Variants in SLC8A1 observed in about 807,000 individuals in gnomAD.
SLC8A1 encodes sodium/calcium exchanger 1.
A neutral mutation model predicts 68.3 loss-of-function variants in SLC8A1; 18 were observed. That is an observed-to-expected ratio of 0.26 (90% confidence interval 0.18 to 0.39). The LOEUF (loss-of-function observed/expected upper bound fraction) is 0.39, where lower values mean the gene tolerates loss of function less well. Among genes scored for constraint, SLC8A1 ranks in the 10% least tolerant of loss-of-function variants. The probability of loss-of-function intolerance (pLI) is 1.00; values close to 1 mark genes in which losing one functional copy is unlikely to be tolerated. For missense variants in SLC8A1, 985 were observed against 1,156.7 expected, an observed-to-expected ratio of 0.85 and a Z score of 2.15; for synonymous variants, 475 against 415.5, an observed-to-expected ratio of 1.14 and a Z score of -1.74.
At chr2:40,380,609 A>G (rs1162791856) in intron 2 of SLC8A1, among the ~76,000 whole-genome samples, 1 of 152,132 alleles carries the variant, frequency 6.6e-6, no homozygotes, top group African/African-American at 2.4e-5. Context: ...CACTTGAAGA[A>G]CACTTCAACA....
chr2:40,205,495 C>G (rs1422204172), intron 2 of SLC8A1, among the ~76,000 whole-genome samples: 1 of 151,950 alleles, frequency 6.6e-6, no homozygotes, highest in Non-Finnish European at 1.5e-5. Flanking sequence ...ACTGACTTTG[C>G]AGGGACATGG....
chr2:40,368,186 T>C (rs1484192915), intron 2 of SLC8A1, among the ~76,000 whole-genome samples: 3 of 152,084 alleles, frequency 2.0e-5, no homozygotes, highest in African/African-American at 7.2e-5. Context: ...GGACCACTCA[T>C]GGTTTGATGG....
intron 2 of SLC8A1, among the ~76,000 whole-genome samples, chr2:40,311,144 T>C (rs72939245): frequency 0.018 from 2,690 of 152,164 alleles, 87 homozygotes; most frequent in African/African-American, 0.061. Flanking sequence ...AAGAAATGAA[T>C]GAGGTCCCCA....
chr2:40,374,227 T>C (rs1410411544), intron 2 of SLC8A1, among the ~76,000 whole-genome samples: 1 of 151,998 alleles, frequency 6.6e-6, no homozygotes, highest in Non-Finnish European at 1.5e-5. Flanking sequence ...AAAGATGGAA[T>C]AAGGCCAGGC....
intron 2 of SLC8A1, among the ~76,000 whole-genome samples, chr2:40,420,555 C>A (rs1695209170): frequency 1.3e-5 from 2 of 151,992 alleles, no homozygotes; most frequent in South Asian, 4.1e-4. Context: ...AAGCCAAAAC[C>A]AACAATAACT....
chr2:40,400,248 C>T (rs112476362), intron 2 of SLC8A1, among the ~76,000 whole-genome samples: 15 of 152,214 alleles, frequency 9.9e-5, no homozygotes, highest in South Asian at 2.1e-4. Context: ...GTTTTGTCTG[C>T]GGCTTGTCCT....
chr2:40,446,570 C>T (rs1236443891), intron 1 of SLC8A1: 1 of 152,260 alleles, frequency 6.6e-6, no homozygotes, highest in Non-Finnish European at 1.5e-5. Context: ...ACTCCTTCAG[C>T]ACTTTGCTCA....
intron 2 of SLC8A1, among the ~76,000 whole-genome samples, chr2:40,366,752 T>C (rs1160139011): frequency 1.4e-5 from 2 of 147,750 alleles, no homozygotes; most frequent in Non-Finnish European, 3.0e-5. Context: ...TACAATGTTA[T>C]TTCTGAGTAT....
At chr2:40,455,838 G>A (rs1702969920), upstream of SLC8A1, among the ~76,000 whole-genome samples, 1 of 152,094 alleles carries the variant, frequency 6.6e-6, no homozygotes, top group South Asian at 2.1e-4. Flanking sequence ...TCACCCAGTT[G>A]TAAACCCTGC....
Position 40,261,791 on chromosome 2 carries a change from C to T in SLC8A1, c.1809-83936G>A, listed in dbSNP as rs1483086753. 5.9e-5 allele frequency among the ~76,000 whole-genome samples: 9 copies of T among 152,240 alleles called. No homozygotes were observed. In the East Asian group the frequency reaches 1.4e-3, roughly 23 times the overall value. ...TTCAGTAAGTGTGAACATTTTCCTTCGCATGTCTTTTTAAGAGAAAGAGAA... is the reference window on the plus strand; with the variant it reads ...TTCAGTAAGTGTGAACATTTTCCTTTGCATGTCTTTTTAAGAGAAAGAGAA... On this transcript the variant is annotated intron_variant, in intron 2 of 7. Transcript: ENST00000406785.
At chr2:40,358,405 C>T (rs971142856) in intron 2 of SLC8A1, among the ~76,000 whole-genome samples, 1 of 152,088 alleles carries the variant, frequency 6.6e-6, no homozygotes, top group Non-Finnish European at 1.5e-5. Context: ...ACAGTACTAT[C>T]GTTTCAGGTA....
chr2:40,323,453 G>T (rs1360811265), intron 2 of SLC8A1, among the ~76,000 whole-genome samples: 1 of 152,142 alleles, frequency 6.6e-6, no homozygotes, highest in Admixed American at 6.6e-5. Context: ...ATAACTGAGT[G>T]ATTAATCTAT....
intron 2 of SLC8A1, among the ~76,000 whole-genome samples, chr2:40,204,979 C>A (rs1013056722): frequency 5.3e-5 from 8 of 151,882 alleles, no homozygotes; most frequent in Non-Finnish European, 1.0e-4. Flanking sequence ...TTCCATTGTT[C>A]ACACTCATAA....
At chr2:40,253,893 C>T (rs1183954417) in intron 2 of SLC8A1, among the ~76,000 whole-genome samples, 2 of 79,282 alleles carry the variant, frequency 2.5e-5, no homozygotes, top group Non-Finnish European at 4.8e-5. Context: ...GATAAAGAAA[C>T]AAACGTTGGT....
chr2:40,282,891 A>G (rs2067731207), intron 2 of SLC8A1, among the ~76,000 whole-genome samples: 2 of 152,114 alleles, frequency 1.3e-5, no homozygotes, highest in Non-Finnish European at 2.9e-5. Context: ...AATCTTGAAG[A>G]CCCTGGGGTT....
At chr2:40,230,995 G>T (rs1301181950) in intron 2 of SLC8A1, among the ~76,000 whole-genome samples, 1 of 152,158 alleles carries the variant, frequency 6.6e-6, no homozygotes, top group Non-Finnish European at 1.5e-5. Flanking sequence ...AAACCGAGTG[G>T]TAAGTTGGAA....
At chr2:40,441,665 G>T (rs550618309) in intron 1 of SLC8A1, among the ~76,000 whole-genome samples, 15 of 152,086 alleles carry the variant, frequency 9.9e-5, no homozygotes, top group Non-Finnish European at 2.1e-4. Context: ...CAGCAATGGG[G>T]AAAGGATTCC....
chr2:40,474,509 C>T (rs1704168624), intron 1 of SLC8A1, among the ~76,000 whole-genome samples: 1 of 152,162 alleles, frequency 6.6e-6, no homozygotes, highest in South Asian at 2.1e-4. Context: ...CTTTTAATGT[C>T]AGCTTCCCCG....
chr2:40,435,586 G>A (rs779283490), intron 1 of SLC8A1, among the ~76,000 whole-genome samples: 9 of 152,056 alleles, frequency 5.9e-5, no homozygotes, highest in Non-Finnish European at 1.2e-4. Flanking sequence ...CAGAAGTCAG[G>A]CCCCTGCCTT....
Sources: gnomAD v4.1 joint callset for allele counts (sites outside exome capture counted in the v4.1 genomes callset) on GRCh38, gnomAD v4.1.1 for gene constraint, MANE v1.5 for transcripts, NCBI Gene and HGNC (gene_info 2026-07-23, HGNC 2026-07-21) for gene names.